Variants in NTRK3 observed in about 807,000 individuals in gnomAD.
NTRK3 encodes the protein NT-3 growth factor receptor.
A neutral mutation model predicts 91.7 loss-of-function variants in NTRK3; 24 were observed. That is an observed-to-expected ratio of 0.26 (90% confidence interval 0.19 to 0.37). The LOEUF (loss-of-function observed/expected upper bound fraction) is 0.37. NTRK3 is among the 10% of genes least tolerant of loss of function. The pLI is 1.00. For missense variants in NTRK3, 880 were observed against 1,068.9 expected, an observed-to-expected ratio of 0.82 and a Z score of 2.46; for synonymous variants, 483 against 404.0, an observed-to-expected ratio of 1.20 and a Z score of -2.34.
intron 14 of NTRK3, among the ~76,000 whole-genome samples, chr15:87,990,279 A>G (rs910391707): frequency 1.3e-5 from 2 of 152,064 alleles, no homozygotes; most frequent in African/African-American, 4.8e-5. Flanking sequence ...TTTCTTCACT[A>G]TCCCCACCCC....
At chr15:87,894,188 G>A (rs1249454132) in intron 17 of NTRK3, among the ~76,000 whole-genome samples, 3 of 152,158 alleles carry the variant, frequency 2.0e-5, no homozygotes, top group Non-Finnish European at 4.4e-5. Flanking sequence ...TGCCCCAGTG[G>A]CCTTGGCCTG....
intron 18 of NTRK3, among the ~76,000 whole-genome samples, chr15:87,879,311 CGATGTTTCATAGG>C (rs974005063): frequency 2.6e-5 from 4 of 152,028 alleles, no homozygotes; most frequent in Non-Finnish European, 5.9e-5. Context: ...AAAAGAATTG[CGATGTTTCATAGG>C]GATGTTTCAT....
Position 88,255,875 on chromosome 15 carries a change from A to G in NTRK3, c.248+31T>C, listed in dbSNP as rs2142084689. On this transcript the variant is annotated intron_variant, in intron 3 of 18. Coordinates refer to ENST00000394480, the Ensembl canonical transcript of NTRK3. This position sits in a 1 kb window ranked among gnomAD's most constrained non-coding sequence, Gnocchi z 4.3. ...AGGAGGGAGACGCAGAGCGCGGGGG[A>G]GGCAGGCTGGGGAGCGGCCGCCTGA... is the stretch of plus-strand genomic sequence containing the variant. 6.3e-7 allele frequency: 1 copy of G among 1,582,180 alleles called. No homozygotes were observed. Among genetic ancestry groups the G allele is most frequent in the South Asian group, 1.1e-5 (1 of 88,142 alleles).
intron 13 of NTRK3, among the ~76,000 whole-genome samples, chr15:88,069,386 A>G (rs2046921391): frequency 6.6e-6 from 1 of 152,204 alleles, no homozygotes; most frequent in Admixed American, 6.5e-5. Context: ...CAGAGTAGGG[A>G]AAGAATTAAA....
At chr15:87,995,763 C>A (rs2075644300) in intron 14 of NTRK3, among the ~76,000 whole-genome samples, 1 of 152,138 alleles carries the variant, frequency 6.6e-6, no homozygotes, top group Admixed American at 6.5e-5. Context: ...GCTTTTCAGG[C>A]CATACGGTCT....
At chr15:88,116,448 A>G (rs2052083335) in intron 13 of NTRK3, among the ~76,000 whole-genome samples, 1 of 152,076 alleles carries the variant, frequency 6.6e-6, no homozygotes, top group Non-Finnish European at 1.5e-5. Context: ...TAAAAAAAAA[A>G]AAATGGTGGT....
At chr15:88,221,371 A>G (rs1345532040) in intron 3 of NTRK3, among the ~76,000 whole-genome samples, 1 of 152,260 alleles carries the variant, frequency 6.6e-6, no homozygotes, top group Non-Finnish European at 1.5e-5. Context: ...CAAATTCATA[A>G]GAAAAAAACA....
chr15:88,039,265 T>C (rs2079377527), intron 13 of NTRK3, among the ~76,000 whole-genome samples: 1 of 151,956 alleles, frequency 6.6e-6, no homozygotes, highest in African/African-American at 2.4e-5. Flanking sequence ...ACACTAATAA[T>C]CAAAAAGAAG....
chr15:88,089,983 C>A (rs2150745261), intron 13 of NTRK3, among the ~76,000 whole-genome samples: 1 of 152,338 alleles, frequency 6.6e-6, no homozygotes, highest in Non-Finnish European at 1.5e-5. Context: ...CCACACTGTC[C>A]TCCAGGCTGC....
intron 14 of NTRK3, among the ~76,000 whole-genome samples, chr15:87,943,538 T>A (rs2070114894): frequency 6.6e-6 from 1 of 152,152 alleles, no homozygotes; most frequent in Non-Finnish European, 1.5e-5. Flanking sequence ...AACTCTGGGC[T>A]GGGAGACCTC....
intron 3 of NTRK3, among the ~76,000 whole-genome samples, chr15:88,210,311 C>A (rs1360101610): frequency 6.6e-6 from 1 of 152,142 alleles, no homozygotes; most frequent in African/African-American, 2.4e-5. Context: ...CGAAGAGCAG[C>A]CCGATTCCAA....
intron 14 of NTRK3, among the ~76,000 whole-genome samples, chr15:88,025,106 C>T (rs1483936406): frequency 6.6e-6 from 1 of 152,234 alleles, no homozygotes; most frequent in Non-Finnish European, 1.5e-5. Flanking sequence ...GGACAGTGTG[C>T]ATCCACAAGT....
chr15:87,860,596 G>A (rs1239071841), exon 19 of NTRK3: 6 of 205,954 alleles, frequency 2.9e-5, no homozygotes, highest in Non-Finnish European at 5.0e-5. Flanking sequence ...TCCAAGACTC[G>A]CCAGGATGCA....
Position 88,033,176 on chromosome 15 carries a change from TTATATATATATATATATATATA to T in NTRK3, c.1397-153_1397-132del, listed in dbSNP as rs149279639. ...CTTTTTTTTACTTTTGGGGGGTGTG[TTATATATATATATATATATATA>T]TATATATATATATATATAAATTCAG... is the stretch of plus-strand genomic sequence containing the variant. On this transcript the variant is annotated intron_variant, in intron 13 of 18. Coordinates refer to ENST00000394480, the Ensembl canonical transcript of NTRK3. 7.8e-4 allele frequency: 153 copies of T among 195,976 alleles called. 12 individuals carry two copies. The highest frequency in any genetic ancestry group is 1.4e-3 in the South Asian group (26 of 18,212). The allele number at this position is 195,976 out of a possible 1,614,324, so 12.1% of individuals were successfully genotyped here. A position where few individuals can be genotyped will look rare whatever the true frequency, so the allele number is the denominator to read the frequency against.
intron 17 of NTRK3, among the ~76,000 whole-genome samples, chr15:87,923,585 T>C (rs779898055): frequency 6.6e-6 from 1 of 152,210 alleles, no homozygotes; most frequent in Non-Finnish European, 1.5e-5. Context: ...ATCTATTTGA[T>C]ACAGCAGTTG....
At chr15:87,995,523 G>A (rs1043340043) in intron 14 of NTRK3, among the ~76,000 whole-genome samples, 1 of 152,186 alleles carries the variant, frequency 6.6e-6, no homozygotes, top group African/African-American at 2.4e-5. Flanking sequence ...TTGGGGAAGT[G>A]CAAGGAGTTC....
At chr15:88,159,943 T>TACACACACACAC (rs59254719) in intron 5 of NTRK3, among the ~76,000 whole-genome samples, 3,316 of 112,000 alleles carry the variant, frequency 0.03, 192 homozygotes, top group Non-Finnish European at 0.039. Flanking sequence ...CCCAGCCTCC[T>TACACACACACAC]ACACACACAC....
intron 14 of NTRK3, among the ~76,000 whole-genome samples, chr15:87,977,107 C>A (rs759790868): frequency 2.0e-5 from 3 of 152,186 alleles, no homozygotes; most frequent in Non-Finnish European, 4.4e-5. Flanking sequence ...CTGGATGAAC[C>A]ATTCAACCTC....
At chr15:88,028,667 G>A (rs62019244) in intron 14 of NTRK3, among the ~76,000 whole-genome samples, 2,980 of 152,240 alleles carry the variant, frequency 0.02, 54 homozygotes, top group South Asian at 0.047. Flanking sequence ...TGGAGACGCT[G>A]CTTCCTCTGA....
Sources: gnomAD v4.1 joint callset for allele counts (sites outside exome capture counted in the v4.1 genomes callset) on GRCh38, gnomAD v4.1.1 for gene constraint, Gnocchi (gnomAD v3.1) non-coding constraint, MANE v1.5 for transcripts, NCBI Gene and HGNC (gene_info 2026-07-23, HGNC 2026-07-21) for gene names.